Variants in ADAMTS20 observed in about 807,000 individuals in gnomAD.
The protein encoded by ADAMTS20 is ADAM metallopeptidase with thrombospondin type 1 motif 20.
Under a neutral mutation model 260.1 loss-of-function variants are expected in ADAMTS20, and 225 were observed. The observed-to-expected ratio is 0.87, with a 90% CI of 0.78 to 0.97. The LOEUF is 0.97. Ranked by LOEUF, ADAMTS20 falls within the 50% of genes least tolerant of loss-of-function variation. The pLI is 0.00. For missense variants in ADAMTS20, 2,400 were observed against 2,337.7 expected, an observed-to-expected ratio of 1.03 and a Z score of -0.55; for synonymous variants, 802 against 769.5, an observed-to-expected ratio of 1.04 and a Z score of -0.70.
intron 36 of ADAMTS20, 109 bp from the exon 37 acceptor site, chr12:43,369,490 T>C: frequency 7.2e-6 from 3 of 417,032 alleles, no homozygotes; most frequent in Non-Finnish European, 1.1e-5. Flanking sequence ...TATTTATATA[T>C]TAATTTTAAA....
intron 29 of ADAMTS20, among the ~76,000 whole-genome samples, chr12:43,385,189 G>A (rs1306487244): frequency 6.6e-6 from 1 of 152,076 alleles, no homozygotes; most frequent in African/African-American, 2.4e-5. Context: ...GTTTTGATTT[G>A]CATTTCTCTA....
Position 43,551,258 on chromosome 12 carries a change from C to T in ADAMTS20, c.104G>A (p.Arg35Lys), listed in dbSNP as rs147218109. Residue 35 changes from arginine to lysine, a missense_variant, in exon 2 of 39, where the codon AGG becomes AAG. Coordinates refer to ENST00000389420, the MANE Select transcript of ADAMTS20 (RefSeq NM_025003.5). This position sits in a 1 kb window ranked among gnomAD's most constrained non-coding sequence, Gnocchi z 4.6. ...CACTACTTCGTAGGAGGTCAGTGTC[C>T]TCACCAGGGCTTCTGCAACAACAGC... The part of the protein sequence containing the change: ...DFHPRQEALV[R>K]TLTSYEVVIP... 4.0e-5 allele frequency: 64 copies of T among 1,610,334 alleles called. No individual in the cohort carries two copies. Among genetic ancestry groups the T allele is most frequent in the Non-Finnish European group, 5.4e-5 (64 of 1,177,216 alleles).
chr12:43,410,631 AT>A (rs1402649255), intron 28 of ADAMTS20, among the ~76,000 whole-genome samples: 1 of 152,244 alleles, frequency 6.6e-6, no homozygotes, highest in Non-Finnish European at 1.5e-5. Flanking sequence ...AAACAGCTGA[AT>A]AAGCCTATTA....
At chr12:43,420,322 T>C (rs897955761) in intron 28 of ADAMTS20, among the ~76,000 whole-genome samples, 1 of 152,222 alleles carries the variant, frequency 6.6e-6, no homozygotes, top group Non-Finnish European at 1.5e-5. Context: ...TAGATACTCA[T>C]ACTTTTGGGG....
intron 2 of ADAMTS20, among the ~76,000 whole-genome samples, chr12:43,533,384 A>C (rs1943252960): frequency 2.0e-5 from 3 of 148,798 alleles, no homozygotes; most frequent in Admixed American, 6.8e-5. Context: ...CAATTGCTTC[A>C]AAGAGAATAA....
At chr12:43,519,346 T>G (rs1393553545) in intron 3 of ADAMTS20, among the ~76,000 whole-genome samples, 3 of 152,142 alleles carry the variant, frequency 2.0e-5, no homozygotes, top group Admixed American at 6.6e-5. Flanking sequence ...CCATTATTTC[T>G]ACTAATTTCT....
At chr12:43,527,129 A>G (rs2137494150) in intron 3 of ADAMTS20, among the ~76,000 whole-genome samples, 1 of 152,336 alleles carries the variant, frequency 6.6e-6, no homozygotes, top group South Asian at 2.1e-4. Context: ...ACCATCGTAG[A>G]GTAAATCAGG....
intron 3 of ADAMTS20, among the ~76,000 whole-genome samples, chr12:43,511,034 G>A (rs1454481148): frequency 6.6e-6 from 1 of 151,756 alleles, no homozygotes; most frequent in Non-Finnish European, 1.5e-5. Flanking sequence ...CATTACCATT[G>A]GGCTCCTCCT....
At chr12:43,470,382 T>C (rs1411881009) in intron 7 of ADAMTS20, among the ~76,000 whole-genome samples, 1 of 152,224 alleles carries the variant, frequency 6.6e-6, no homozygotes, top group Non-Finnish European at 1.5e-5. Flanking sequence ...CATTTTAAAC[T>C]GAACATTTTA....
chr12:43,427,784 T>A (rs189335189), intron 26 of ADAMTS20, among the ~76,000 whole-genome samples: 1 of 152,214 alleles, frequency 6.6e-6, no homozygotes, highest in South Asian at 2.1e-4. Flanking sequence ...TAAAAGACAG[T>A]ATTAAATTAC....
At chr12:43,480,075 A>T (rs1160744938) in intron 7 of ADAMTS20, among the ~76,000 whole-genome samples, 1 of 152,192 alleles carries the variant, frequency 6.6e-6, no homozygotes, top group Non-Finnish European at 1.5e-5. Context: ...TAACTTTTCA[A>T]ATATATTTAA....
At position 43,431,391 on chromosome 12, in the gene ADAMTS20, A is replaced by C; in HGVS notation, c.3202T>G (p.Ser1068Ala). 6.2e-7 allele frequency: 1 copy of C among 1,613,988 alleles called. No homozygotes were observed. Among genetic ancestry groups the C allele is most frequent in the Non-Finnish European group, 8.5e-7 (1 of 1,179,878 alleles). The change falls in exon 22 of 39, where the codon TCT (serine) becomes GCT (alanine). Residue 1068 changes from serine to alanine, a missense_variant. By Grantham distance (99) the Ser-to-Ala change is moderately conservative (BLOSUM62 1). Transcript: ENST00000389420. The stretch of plus-strand genomic sequence containing the variant: ...GTATGAAGTTCACATGGACTCAGAG[A>C]TTCAGGTTTGGTACTTGAATTACAG... Reference protein sequence around the residue: ...GFCNSSTKPESLSPCELHTCA... With the variant: ...GFCNSSTKPEALSPCELHTCA...
chr12:43,428,401 G>A lies in ADAMTS20; in HGVS notation c.3785C>T (p.Ala1262Val), dbSNP rs778642285. The A allele has an allele frequency of 5.6e-5, 91 of 1,613,732 alleles. 1 individual carries two copies. The South Asian group carries it at 9.4e-4, about 17-fold the overall frequency. Reference protein sequence around the residue: ...PLMEQECSLAACPPAHSHFPS... With the variant: ...PLMEQECSLAVCPPAHSHFPS... ...AAAGTGGCTGTGTGCAGGAGGGCAG[G>A]CTGCCAGGCTACATTCCTGTTCCAT... Residue 1262 changes from alanine to valine, a missense_variant, in exon 26 of 39, where the codon GCC becomes GTC. Coordinates refer to ENST00000389420, the MANE Select transcript of ADAMTS20 (RefSeq NM_025003.5).
intron 4 of ADAMTS20, among the ~76,000 whole-genome samples, chr12:43,497,262 C>T (rs1380915399): frequency 6.6e-6 from 1 of 152,086 alleles, no homozygotes; most frequent in African/African-American, 2.4e-5. Context: ...TTGTTGAAAT[C>T]TTTAAGAAAA....
At chr12:43,365,488 G>A (rs192922058) in intron 37 of ADAMTS20, among the ~76,000 whole-genome samples, 48 of 151,922 alleles carry the variant, frequency 3.2e-4, no homozygotes, top group African/African-American at 1.1e-3. Context: ...GACAATAATG[G>A]CACAAATAAG....
In ADAMTS20 at chr12:43,428,419, T is replaced by C; in HGVS notation, c.3767A>G (p.Gln1256Arg). The C allele has an allele frequency of 1.2e-6, 2 of 1,613,954 alleles. No individual in the cohort carries two copies. The highest frequency in any genetic ancestry group is 8.5e-7 in the Non-Finnish European group (1 of 1,179,874). Reference sequence around the variant, plus strand: ...AGGGCAGGCTGCCAGGCTACATTCCTGTTCCATCAAAGGGCGAACTTCAGG... The same window carrying C: ...AGGGCAGGCTGCCAGGCTACATTCCCGTTCCATCAAAGGGCGAACTTCAGG... ...CDPEVRPLME[Q>R]ECSLAACPPA... is the part of the protein sequence containing the mutation. The change falls in exon 26 of 39, where the codon CAG becomes CGG. Residue 1256 changes from glutamine to arginine, a missense_variant. Physicochemically the swap from Gln to Arg is conservative, Grantham distance 43 (BLOSUM62 1). Transcript: ENST00000389420.
chr12:43,524,671 C>T (rs1039749906), intron 3 of ADAMTS20, among the ~76,000 whole-genome samples: 3 of 152,064 alleles, frequency 2.0e-5, no homozygotes, highest in Non-Finnish European at 4.4e-5. Flanking sequence ...AAAAATCAAT[C>T]AGAACTTCTA....
At chr12:43,359,252 C>T (rs1939816989) in intron 37 of ADAMTS20, among the ~76,000 whole-genome samples, 1 of 152,134 alleles carries the variant, frequency 6.6e-6, no homozygotes, top group African/African-American at 2.4e-5. Context: ...AATGTTTATT[C>T]TTGAGTAACT....
At chr12:43,453,308 G>A (rs779796519) in intron 12 of ADAMTS20, among the ~76,000 whole-genome samples, 1 of 152,060 alleles carries the variant, frequency 6.6e-6, no homozygotes, top group Non-Finnish European at 1.5e-5. Flanking sequence ...TTTAAGTAAA[G>A]AGTATCATAT....
Sources: gnomAD v4.1 joint callset for allele counts (sites outside exome capture counted in the v4.1 genomes callset) on GRCh38, gnomAD v4.1.1 for gene constraint, Gnocchi (gnomAD v3.1) non-coding constraint, MANE v1.5 for transcripts, NCBI Gene and HGNC (gene_info 2026-07-23, HGNC 2026-07-21) for gene names.